The following DDAH1 variants were observed in gnomAD, a reference collection of about 807,000 sequenced individuals.
DDAH1 encodes the protein N(G),N(G)-dimethylarginine dimethylaminohydrolase 1.
A neutral mutation model predicts 28.8 loss-of-function variants in DDAH1; 19 were observed. The ratio of observed to expected loss-of-function variants is 0.66; its 90% CI spans 0.46 to 0.97. The LOEUF (loss-of-function observed/expected upper bound fraction) is 0.97, where lower values mean the gene tolerates loss of function less well. Ranked by LOEUF, DDAH1 falls within the 50% of genes least tolerant of loss-of-function variation. The pLI, the probability that DDAH1 is intolerant of heterozygous loss-of-function variation, is 0.00. For missense variants in DDAH1, 326 were observed against 375.9 expected, an observed-to-expected ratio of 0.87 and a Z score of 1.10; for synonymous variants, 153 against 154.4, an observed-to-expected ratio of 0.99 and a Z score of 0.07.
At chr1:85,366,328 T>C (rs1650073687) in intron 1 of DDAH1, among the ~76,000 whole-genome samples, 1 of 152,222 alleles carries the variant, frequency 6.6e-6, no homozygotes, top group African/African-American at 2.4e-5. Context: ...ACTTTTGTTA[T>C]AACTTTTACA....
intron 1 of DDAH1, among the ~76,000 whole-genome samples, chr1:85,547,583 C>A (rs1658664855): frequency 6.6e-6 from 1 of 152,204 alleles, no homozygotes; most frequent in East Asian, 1.9e-4. Context: ...CATTTGAATA[C>A]TCTCTATGAC....
At chr1:85,466,179 C>T (rs1300162508), upstream of DDAH1, among the ~76,000 whole-genome samples, 1 of 152,266 alleles carries the variant, frequency 6.6e-6, no homozygotes, top group Non-Finnish European at 1.5e-5. Flanking sequence ...TCTCCCCTCC[C>T]ACAAGGGTGG....
chr1:85,419,287 G>A (rs994624537), intron 1 of DDAH1, among the ~76,000 whole-genome samples: 46 of 151,842 alleles, frequency 3.0e-4, no homozygotes, highest in Non-Finnish European at 6.0e-4. Context: ...ATCTGTAATC[G>A]CAGCACTTTG....
intron 1 of DDAH1, among the ~76,000 whole-genome samples, chr1:85,421,632 T>G (rs754876976): frequency 6.6e-6 from 1 of 152,202 alleles, no homozygotes; most frequent in Non-Finnish European, 1.5e-5. Context: ...CCTGAGCCCC[T>G]GATCTTTTCA....
intron 1 of DDAH1, among the ~76,000 whole-genome samples, chr1:85,498,319 GT>G (rs1656672145): frequency 6.6e-6 from 1 of 152,200 alleles, no homozygotes; most frequent in Admixed American, 6.5e-5. Context: ...AACCTAGGAA[GT>G]TTTCCAGAAT....
At chr1:85,452,732 A>G (rs1654720053) in intron 1 of DDAH1, among the ~76,000 whole-genome samples, 2 of 152,172 alleles carry the variant, frequency 1.3e-5, no homozygotes, top group South Asian at 4.1e-4. Context: ...TCCTCCACAG[A>G]TAGCACCATA....
chr1:85,401,291 T>C (rs934058157), intron 1 of DDAH1, among the ~76,000 whole-genome samples: 1 of 152,166 alleles, frequency 6.6e-6, no homozygotes, highest in African/African-American at 2.4e-5. Context: ...GTGAAATCTT[T>C]CATTATTGGT....
chr1:85,519,882 C>T (rs1274047359), intron 1 of DDAH1, among the ~76,000 whole-genome samples: 3 of 152,048 alleles, frequency 2.0e-5, no homozygotes, highest in Non-Finnish European at 4.4e-5. Flanking sequence ...CTTGTGGTTG[C>T]CTCTAGGAAT....
chr1:85,390,237 G>A (rs1651481074), intron 1 of DDAH1, among the ~76,000 whole-genome samples: 1 of 152,050 alleles, frequency 6.6e-6, no homozygotes, highest in Non-Finnish European at 1.5e-5. Flanking sequence ...AGCTTTATCC[G>A]GGGTCCCTTG....
intron 1 of DDAH1, among the ~76,000 whole-genome samples, chr1:85,390,259 A>G (rs977601119): frequency 2.0e-5 from 3 of 152,206 alleles, no homozygotes; most frequent in Non-Finnish European, 4.4e-5. Context: ...TAATGGCCAA[A>G]TTGGAGAACT....
At chr1:85,455,585 A>G (rs544297616) in intron 1 of DDAH1, among the ~76,000 whole-genome samples, 1 of 152,356 alleles carries the variant, frequency 6.6e-6, no homozygotes, top group South Asian at 2.1e-4. Flanking sequence ...TACCATGGGT[A>G]AGTCAAGACT....
intron 4 of DDAH1, among the ~76,000 whole-genome samples, chr1:85,346,375 T>C (rs1648840973): frequency 6.6e-6 from 1 of 152,172 alleles, no homozygotes; most frequent in South Asian, 2.1e-4. Context: ...ACTGCTCAGA[T>C]CCTGGATACC....
rs576167709 is a variant in DDAH1, at chr1:85,505,752, T to C, written c.-122-9471A>G. ...AAAGAATCCTGATTTGAGAAATTTT[T>C]GTTTTTTAAAACTAAACTTATTTAC... On this transcript the variant is annotated intron_variant, in intron 1 of 6. Coordinates refer to the DDAH1 transcript ENST00000426972. Among the ~76,000 whole-genome samples the C allele has an allele frequency of 1.3e-3, 199 of 152,362 alleles. 3 individuals carry two copies. Among genetic ancestry groups the C allele is most frequent in the African/African-American group, 4.7e-3 (194 of 41,588 alleles).
chr1:85,387,883 G>T (rs1301119502), intron 1 of DDAH1, among the ~76,000 whole-genome samples: 1 of 152,188 alleles, frequency 6.6e-6, no homozygotes, highest in Non-Finnish European at 1.5e-5. Context: ...AGGGCCTCAG[G>T]CTGCTTCCAC....
At chr1:85,508,535 T>G (rs1240109980) in intron 1 of DDAH1, among the ~76,000 whole-genome samples, 1 of 152,170 alleles carries the variant, frequency 6.6e-6, no homozygotes, top group Non-Finnish European at 1.5e-5. Flanking sequence ...ACCTGAGAAG[T>G]GCAAGGGGCT....
chr1:85,323,641 C>T (rs1661443562), intron 5 of DDAH1, among the ~76,000 whole-genome samples: 2 of 152,090 alleles, frequency 1.3e-5, no homozygotes, highest in South Asian at 2.1e-4. Context: ...GCAGCCCTGA[C>T]AATGAACACC....
At chr1:85,335,389 A>T (rs1053500956) in intron 4 of DDAH1, among the ~76,000 whole-genome samples, 8 of 152,200 alleles carry the variant, frequency 5.3e-5, no homozygotes, top group Admixed American at 5.2e-4. Context: ...ATATTTTTTT[A>T]AAACCCATGA....
At chr1:85,560,291 T>C (rs1028248168) in intron 1 of DDAH1, among the ~76,000 whole-genome samples, 5 of 152,138 alleles carry the variant, frequency 3.3e-5, no homozygotes, top group African/African-American at 1.2e-4. Flanking sequence ...CAGAACTTAC[T>C]GTTGGCAGAC....
intron 5 of DDAH1, among the ~76,000 whole-genome samples, chr1:85,324,195 C>T (rs1458962760): frequency 6.6e-5 from 10 of 150,810 alleles, no homozygotes; most frequent in Admixed American, 5.3e-4. Flanking sequence ...CTCTTGAGCC[C>T]GGGAGGTGGG....
Sources: allele counts gnomAD v4.1 joint callset (sites outside exome capture counted in the v4.1 genomes callset), GRCh38; gene constraint gnomAD v4.1.1; transcripts MANE v1.5; gene names NCBI Gene and HGNC (gene_info 2026-07-23, HGNC 2026-07-21).